ANLN: variants seen among roughly 807,000 people sequenced by gnomAD.
ANLN encodes anillin.
Under a neutral mutation model 135.1 loss-of-function variants are expected in ANLN, and 59 were observed. That is an observed-to-expected ratio of 0.44 (90% CI 0.35 to 0.54). The LOEUF (loss-of-function observed/expected upper bound fraction) is 0.54. Among genes scored for constraint, ANLN ranks in the 20% least tolerant of loss-of-function variants. The pLI, the probability that ANLN is intolerant of heterozygous loss-of-function variation, is 0.00. For synonymous variants in ANLN, 406 were observed against 456.4 expected (o/e 0.89, Z 1.41); for missense variants, 1,182 against 1,340.0 (o/e 0.88, Z 1.84).
chr7:36,392,751 AT>A (rs540754225), intron 1 of ANLN, among the ~76,000 whole-genome samples: 2,987 of 151,094 alleles, frequency 0.02, 96 homozygotes, highest in African/African-American at 0.068. Flanking sequence ...TATCTATTTA[AT>A]TTTTTTTTAA....
chr7:36,395,864 C>CAG (rs369375987), intron 1 of ANLN, among the ~76,000 whole-genome samples: 12 of 150,762 alleles, frequency 8.0e-5, no homozygotes, highest in South Asian at 2.1e-4. Context: ...CACTTAGTGG[C>CAG]AGAGAGAGAG....
chr7:36,425,890 A>G, intron 18 of ANLN, 125 bp from the exon 19 acceptor site: 1 of 1,153,482 alleles, frequency 8.7e-7, no homozygotes, highest in Non-Finnish European at 1.2e-6. Context: ...TTTATGTAGG[A>G]AAAGTGTTTT....
intron 13 of ANLN, among the ~76,000 whole-genome samples, chr7:36,422,365 G>A (rs951981940): frequency 4.6e-5 from 7 of 152,034 alleles, no homozygotes; most frequent in Admixed American, 2.0e-4. Flanking sequence ...TGCTGTGTGC[G>A]TATATGTGGT....
chr7:36,431,561 TTGTG>T (rs1186662720), intron 20 of ANLN, among the ~76,000 whole-genome samples: 1,223 of 75,994 alleles, frequency 0.016, 36 homozygotes, highest in African/African-American at 0.035. Flanking sequence ...ATGTGTGTGT[TTGTG>T]TGTGTGTGTG....
At chr7:36,447,417 CTTTTTTT>C (rs978030270) in intron 22 of ANLN, among the ~76,000 whole-genome samples, 18 of 105,870 alleles carry the variant, frequency 1.7e-4, no homozygotes, top group African/African-American at 5.9e-4. Flanking sequence ...AGCAGTTGAT[CTTTTTTT>C]TTTTTTTTTT....
At chr7:36,430,365 T>A (rs1246040573) in intron 20 of ANLN, among the ~76,000 whole-genome samples, 1 of 152,208 alleles carries the variant, frequency 6.6e-6, no homozygotes, top group Non-Finnish European at 1.5e-5. Flanking sequence ...GACACCACTG[T>A]CAGTGGATTT....
At chr7:36,446,329 C>T (rs928275266) in intron 22 of ANLN, among the ~76,000 whole-genome samples, 1 of 151,888 alleles carries the variant, frequency 6.6e-6, no homozygotes. Context: ...ATCTGAATAA[C>T]CAATTGGGCC....
intron 22 of ANLN, among the ~76,000 whole-genome samples, chr7:36,447,457 C>T (rs2116824105): frequency 6.9e-6 from 1 of 145,064 alleles, no homozygotes; most frequent in African/African-American, 2.6e-5. Flanking sequence ...CGGAGTCTCG[C>T]TCTGTCGCCC....
intron 21 of ANLN, among the ~76,000 whole-genome samples, chr7:36,442,854 T>C (rs1309574733): frequency 6.6e-6 from 1 of 151,914 alleles, no homozygotes. Context: ...ACGGTCTCGA[T>C]CTCCTGACCT....
At chr7:36,394,628 ATTC>A (rs1043062016) in intron 1 of ANLN, among the ~76,000 whole-genome samples, 1 of 152,192 alleles carries the variant, frequency 6.6e-6, no homozygotes, top group African/African-American at 2.4e-5. Context: ...ATTAGAAATC[ATTC>A]TTAAGAAGAG....
At position 36,415,903 on chromosome 7, in the gene ANLN, T is replaced by G. The variant is rs775017136; in HGVS notation, c.1522+19T>G. ...CCTAAAGGTCAGTGTTTCCAGATTGTTCATGGTTAGTATGTAGAAACTCAA... is the reference window on the plus strand; with the variant it reads ...CCTAAAGGTCAGTGTTTCCAGATTGGTCATGGTTAGTATGTAGAAACTCAA... On this transcript the variant is annotated intron_variant, in intron 8 of 23. Transcript: ENST00000265748. 1 of 1,559,058 alleles carries G rather than the reference T, an allele frequency of 6.4e-7. No homozygotes were observed. The highest frequency in any genetic ancestry group is 8.6e-7 in the Non-Finnish European group (1 of 1,157,658).
At chr7:36,431,191 T>C (rs1048862487) in intron 20 of ANLN, among the ~76,000 whole-genome samples, 2 of 152,126 alleles carry the variant, frequency 1.3e-5, no homozygotes, top group African/African-American at 4.8e-5. Context: ...AAGGGAATTT[T>C]TACAAAATAG....
intron 7 of ANLN, among the ~76,000 whole-genome samples, chr7:36,414,366 G>C (rs1254623906): frequency 2.6e-5 from 4 of 152,330 alleles, no homozygotes; most frequent in South Asian, 2.1e-4. Flanking sequence ...TAATTGATGG[G>C]ATGAGGTGAG....
Position 36,423,920 on chromosome 7 carries a change from G to A in ANLN, c.2580G>A (p.Leu860=). ...CAAACTCTCTTAACGGTGATGCTCT[G>A]ACATTCACTACTACATTTACTCTGT... ...STSNSLNGDA[L]TFTTTFTLQD... Residue 860 remains leucine (L), a synonymous_variant, in exon 15 of 24, where the codon CTG becomes CTA. Coordinates refer to ENST00000265748, the MANE Select transcript of ANLN (RefSeq NM_018685.5). The A allele has an allele frequency of 6.2e-7, 1 of 1,611,918 alleles. No homozygotes were observed. The highest frequency in any genetic ancestry group is 8.5e-7 in the Non-Finnish European group (1 of 1,178,936).
chr7:36,435,441 G>T (rs1481319255), intron 20 of ANLN, among the ~76,000 whole-genome samples: 1 of 151,780 alleles, frequency 6.6e-6, no homozygotes, highest in African/African-American at 2.4e-5. Flanking sequence ...GGGCTCAAGC[G>T]ATCCTCTTGC....
chr7:36,398,008 T>A lies in ANLN; in HGVS notation c.173-1071T>A, dbSNP rs151081807. On this transcript the variant is annotated intron_variant, in intron 2 of 23. Transcript: ENST00000265748. Reference sequence around the variant, plus strand: ...ACTTAGGTTGATGTCAACGAGGCAATCATGATTTATCCCTGATACTACTTT... The same window carrying A: ...ACTTAGGTTGATGTCAACGAGGCAAACATGATTTATCCCTGATACTACTTT... Among the ~76,000 whole-genome samples the A allele has an allele frequency of 1.8e-4, 27 of 152,324 alleles. No individual in the cohort carries two copies. The East Asian group carries it at 5.0e-3, about 28-fold the overall frequency.
chr7:36,401,094 A>C (rs1786926469), intron 3 of ANLN, among the ~76,000 whole-genome samples: 1 of 152,244 alleles, frequency 6.6e-6, no homozygotes, highest in Non-Finnish European at 1.5e-5. Context: ...TAATAATCTC[A>C]AGAGCAAACA....
chr7:36,422,516 T>G (rs768638234), intron 13 of ANLN, 117 bp from the exon 14 acceptor site: 22 of 843,298 alleles, frequency 2.6e-5, no homozygotes, highest in East Asian at 8.6e-5. Flanking sequence ...AAGATAGTGT[T>G]ACTGATTTCG....
chr7:36,390,169 G>T, intron 1 of ANLN, 125 bp downstream of exon 1: 5 of 1,546,674 alleles, frequency 3.2e-6, no homozygotes, highest in South Asian at 1.1e-5. Context: ...CGTGCGCAGT[G>T]TGTGCGGGCC....
Sources: gnomAD v4.1 joint callset for allele counts (sites outside exome capture counted in the v4.1 genomes callset) on GRCh38, gnomAD v4.1.1 for gene constraint, MANE v1.5 for transcripts, NCBI Gene and HGNC (gene_info 2026-07-23, HGNC 2026-07-21) for gene names.